CCDC7: variants seen among roughly 807,000 people sequenced by gnomAD.
CCDC7 encodes coiled-coil domain containing 7, also known as coiled-coil domain-containing protein 7.
Under a neutral mutation model 196.9 loss-of-function variants are expected in CCDC7, and 183 were observed. That is an observed-to-expected ratio of 0.93 (90% CI 0.82 to 1.05). The LOEUF is 1.05. Ranked by LOEUF, CCDC7 falls within the 50% of genes least tolerant of loss-of-function variation. CCDC7 has a pLI of 0.00. For synonymous variants in CCDC7, 525 were observed against 484.6 expected, an observed-to-expected ratio of 1.08 and a Z score of -1.10; for missense variants, 1,540 against 1,482.2, an observed-to-expected ratio of 1.04 and a Z score of -0.64.
intron 16 of CCDC7, among the ~76,000 whole-genome samples, chr10:32,579,114 G>A (rs1476605420): frequency 6.6e-6 from 1 of 152,182 alleles, no homozygotes; most frequent in Non-Finnish European, 1.5e-5. Flanking sequence ...ACATATGTGT[G>A]TCAGTAGTGG....
chr10:32,718,186 C>A (rs894976796), intron 25 of CCDC7, among the ~76,000 whole-genome samples: 2 of 152,084 alleles, frequency 1.3e-5, no homozygotes, highest in South Asian at 4.1e-4. Flanking sequence ...TTATCCACCA[C>A]GATCAGGTCA....
intron 13 of CCDC7, among the ~76,000 whole-genome samples, chr10:32,562,699 A>C (rs543788682): frequency 0.039 from 5,904 of 151,206 alleles, 122 homozygotes; most frequent in Middle Eastern, 0.051. Context: ...TATCATACTG[A>C]ATGGGCAAAA....
chr10:32,640,298 G>C (rs1240442275), intron 20 of CCDC7, among the ~76,000 whole-genome samples: 1 of 152,042 alleles, frequency 6.6e-6, no homozygotes. Flanking sequence ...TTATGTAATG[G>C]CTTTCTTTGT....
In CCDC7 at chr10:32,714,813, G is replaced by A. The variant is rs190812976; in HGVS notation, c.2569+3083G>A. ...AATTCGGTGCAGAACCCACCACGGC[G>A]CAGCAAAGCCACTGTAACCAGGCTG... On this transcript the variant is annotated intron_variant, in intron 25 of 41. Coordinates refer to ENST00000639629, the Ensembl canonical transcript of CCDC7. Among the ~76,000 whole-genome samples, 12 of 152,210 alleles carry A rather than the reference G, an allele frequency of 7.9e-5. 1 individual carries two copies. In the South Asian group the frequency reaches 8.3e-4, roughly 11 times the overall value.
chr10:32,873,204 T>C (rs936856103), intron 41 of CCDC7, among the ~76,000 whole-genome samples: 2 of 152,148 alleles, frequency 1.3e-5, no homozygotes, highest in Non-Finnish European at 2.9e-5. Context: ...TCTTTTCACA[T>C]AGTCCCATAT....
intron 18 of CCDC7, among the ~76,000 whole-genome samples, chr10:32,627,301 T>C (rs777988113): frequency 1.3e-4 from 19 of 151,998 alleles, no homozygotes; most frequent in Non-Finnish European, 2.7e-4. Context: ...TAAATCAGAT[T>C]GTTCTCTTCA....
chr10:32,789,924 T>TA (rs767413080), intron 29 of CCDC7, among the ~76,000 whole-genome samples: 9 of 152,158 alleles, frequency 5.9e-5, no homozygotes, highest in Non-Finnish European at 1.2e-4. Flanking sequence ...AAGTCCAAAA[T>TA]ACAACAAGGA....
At chr10:32,758,757 C>A (rs1042816766) in intron 28 of CCDC7, among the ~76,000 whole-genome samples, 1 of 152,034 alleles carries the variant, frequency 6.6e-6, no homozygotes, top group African/African-American at 2.4e-5. Context: ...AGAAATCAGG[C>A]AGGAGAAGGA....
chr10:32,834,273 T>G (rs1411330732), intron 32 of CCDC7, among the ~76,000 whole-genome samples: 1 of 152,070 alleles, frequency 6.6e-6, no homozygotes, highest in African/African-American at 2.4e-5. Context: ...GGGGCTAAAA[T>G]ATTCTTAGAA....
At chr10:32,537,432 T>C (rs2050701725) in intron 11 of CCDC7, among the ~76,000 whole-genome samples, 1 of 152,196 alleles carries the variant, frequency 6.6e-6, no homozygotes, top group Non-Finnish European at 1.5e-5. Flanking sequence ...AAATATTTTC[T>C]CCCAATCTCT....
intron 28 of CCDC7, among the ~76,000 whole-genome samples, chr10:32,760,298 A>G (rs2077227375): frequency 6.6e-6 from 1 of 152,194 alleles, no homozygotes; most frequent in Non-Finnish European, 1.5e-5. Flanking sequence ...ATGCACATGT[A>G]TGTTTATTGT....
At chr10:32,844,598 T>A (rs765606877) in intron 33 of CCDC7, among the ~76,000 whole-genome samples, 8 of 151,840 alleles carry the variant, frequency 5.3e-5, no homozygotes, top group Non-Finnish European at 1.2e-4. Context: ...AATTTAAGGT[T>A]ATATTATCAT....
chr10:32,800,325 C>G (rs2084516874), intron 29 of CCDC7, among the ~76,000 whole-genome samples: 1 of 152,132 alleles, frequency 6.6e-6, no homozygotes, highest in Admixed American at 6.5e-5. Context: ...CCCACCATAA[C>G]AGCCCTCACT....
chr10:32,522,452 T>G (rs985283645), intron 11 of CCDC7, among the ~76,000 whole-genome samples: 1 of 152,136 alleles, frequency 6.6e-6, no homozygotes, highest in Non-Finnish European at 1.5e-5. Context: ...AATTCATTGA[T>G]GTATAGTTGC....
At chr10:32,806,446 A>G (rs940588190) in intron 30 of CCDC7, among the ~76,000 whole-genome samples, 4 of 152,202 alleles carry the variant, frequency 2.6e-5, no homozygotes, top group Admixed American at 1.3e-4. Flanking sequence ...AGCAGTTAGT[A>G]TAAATATATT....
At chr10:32,451,776 A>G (rs754489205) in exon 1 of CCDC7, 6 of 1,614,080 alleles carry the variant, frequency 3.7e-6, no homozygotes, top group Non-Finnish European at 5.1e-6. Flanking sequence ...AAATTAATTC[A>G]TGATAAAATT....
intron 23 of CCDC7, among the ~76,000 whole-genome samples, chr10:32,692,333 C>T (rs1377560916): frequency 1.3e-5 from 2 of 152,210 alleles, no homozygotes; most frequent in African/African-American, 2.4e-5. Context: ...TCAATTGACT[C>T]ACTGGATATC....
rs559512349 is a variant in CCDC7 at position 32,522,342 on chromosome 10, T to C, written c.993+3837T>C. On this transcript the variant is annotated intron_variant, in intron 11 of 41. Coordinates refer to ENST00000639629, the Ensembl canonical transcript of CCDC7. ...GGGAGACTTTTTATTATGGCTTTGA[T>C]CTCGTTACTTTTTGTTGGTCAGTTC... 2.0e-5 allele frequency among the ~76,000 whole-genome samples: 3 copies of C among 152,306 alleles called. No individual in the cohort carries two copies. In the South Asian group the frequency reaches 6.2e-4, roughly 32 times the overall value.
chr10:32,470,173 A>C (rs1187767058), intron 5 of CCDC7, among the ~76,000 whole-genome samples: 1 of 152,134 alleles, frequency 6.6e-6, no homozygotes, highest in East Asian at 1.9e-4. Flanking sequence ...TACAAAAATG[A>C]AGTCTCTGTT....
Sources: allele counts gnomAD v4.1 joint callset (sites outside exome capture counted in the v4.1 genomes callset), GRCh38; gene constraint gnomAD v4.1.1; transcripts MANE v1.5; gene names NCBI Gene and HGNC (gene_info 2026-07-23, HGNC 2026-07-21).